Variants in TMTC2 observed in about 807,000 individuals in gnomAD.
The protein encoded by TMTC2 is protein O-mannosyl-transferase TMTC2.
In TMTC2, 43 loss-of-function variants were observed where a neutral mutation model predicts 82.4. The ratio of observed to expected loss-of-function variants is 0.52; its 90% confidence interval spans 0.41 to 0.67. The LOEUF is 0.67. Among genes scored for constraint, TMTC2 ranks in the 30% least tolerant of loss-of-function variants. The pLI, the probability that TMTC2 is intolerant of heterozygous loss-of-function variation, is 0.00. For missense variants in TMTC2, 919 were observed against 1,012.4 expected, an observed-to-expected ratio of 0.91 and a Z score of 1.25; for synonymous variants, 408 against 381.9, an observed-to-expected ratio of 1.07 and a Z score of -0.80.
chr12:83,081,436 A>C (rs78753086), intron 11 of TMTC2, among the ~76,000 whole-genome samples: 1 of 152,198 alleles, frequency 6.6e-6, no homozygotes, highest in East Asian at 1.9e-4. Flanking sequence ...AGATACTTTC[A>C]ATAACAGATT....
At chr12:82,825,146 A>G (rs753634507) in intron 1 of TMTC2, among the ~76,000 whole-genome samples, 2 of 152,068 alleles carry the variant, frequency 1.3e-5, no homozygotes, top group Admixed American at 6.6e-5. Context: ...TGTATGTTTT[A>G]TTGTGATTCA....
At chr12:82,753,214 C>G (rs1430176316) in intron 1 of TMTC2, among the ~76,000 whole-genome samples, 1 of 152,026 alleles carries the variant, frequency 6.6e-6, no homozygotes, top group African/African-American at 2.4e-5. Flanking sequence ...CCAGGTCATT[C>G]TCCGTAGGTG....
chr12:82,812,069 C>T (rs1035445641), intron 1 of TMTC2, among the ~76,000 whole-genome samples: 5 of 151,966 alleles, frequency 3.3e-5, no homozygotes, highest in South Asian at 2.1e-4. Context: ...CCACCTGCCT[C>T]GGCCTCCCAA....
At chr12:82,771,053 A>G (rs1044365111) in intron 1 of TMTC2, among the ~76,000 whole-genome samples, 1 of 152,052 alleles carries the variant, frequency 6.6e-6, no homozygotes, top group Admixed American at 6.6e-5. Flanking sequence ...CTAAAAATAC[A>G]AAAATTAGCC....
intron 11 of TMTC2, among the ~76,000 whole-genome samples, chr12:83,102,702 G>C (rs993450571): frequency 1.4e-4 from 21 of 152,028 alleles, no homozygotes; most frequent in African/African-American, 4.8e-4. Flanking sequence ...TCTGTGTTTT[G>C]TTTATGTTGC....
chr12:82,950,619 G>T (rs1182231841), intron 4 of TMTC2, among the ~76,000 whole-genome samples: 1 of 152,174 alleles, frequency 6.6e-6, no homozygotes, highest in Non-Finnish European at 1.5e-5. Context: ...CTGTCACAAA[G>T]GTAGTAATGG....
At chr12:82,834,884 A>T (rs548300704) in intron 1 of TMTC2, among the ~76,000 whole-genome samples, 7,874 of 147,138 alleles carry the variant, frequency 0.054, 486 homozygotes, top group African/African-American at 0.16. Flanking sequence ...TCATTTTATT[A>T]TTTTTTTTTT....
chr12:82,908,182 T>C (rs1047410163), intron 3 of TMTC2, among the ~76,000 whole-genome samples: 2 of 152,180 alleles, frequency 1.3e-5, no homozygotes, highest in Admixed American at 1.3e-4. Context: ...TCATTCATAG[T>C]CATATAAGTA....
chr12:82,916,551 T>C (rs1875010530), intron 3 of TMTC2, among the ~76,000 whole-genome samples: 1 of 152,148 alleles, frequency 6.6e-6, no homozygotes, highest in Non-Finnish European at 1.5e-5. Context: ...GATGTGAGGA[T>C]GGCTCATAGT....
intron 11 of TMTC2, among the ~76,000 whole-genome samples, chr12:83,066,462 C>T (rs1022445017): frequency 1.3e-5 from 2 of 151,750 alleles, no homozygotes; most frequent in African/African-American, 4.8e-5. Flanking sequence ...TAGTGGATAC[C>T]ATACTAAAAA....
chr12:82,854,752 C>T (rs1000053270), intron 1 of TMTC2, among the ~76,000 whole-genome samples: 10 of 152,098 alleles, frequency 6.6e-5, no homozygotes, highest in African/African-American at 4.8e-5. Context: ...TTTTATTGAA[C>T]ATTTAGAAAA....
chr12:82,915,017 G>T (rs1874924372), intron 3 of TMTC2, among the ~76,000 whole-genome samples: 1 of 151,760 alleles, frequency 6.6e-6, no homozygotes, highest in Admixed American at 6.6e-5. Flanking sequence ...TATAGATGGT[G>T]TTTCTCCATG....
intron 8 of TMTC2, among the ~76,000 whole-genome samples, chr12:82,995,990 G>A (rs1347995252): frequency 6.6e-6 from 1 of 152,110 alleles, no homozygotes; most frequent in Non-Finnish European, 1.5e-5. Context: ...TACATATGTG[G>A]TATCTCATGT....
intron 4 of TMTC2, 44 bp from the exon 5 acceptor site, chr12:82,964,980 T>TAA (rs757300846): frequency 2.8e-6 from 4 of 1,447,060 alleles, no homozygotes; most frequent in Non-Finnish European, 1.9e-6. Flanking sequence ...GTTTTATATA[T>TAA]AATAATACAG....
intron 4 of TMTC2, among the ~76,000 whole-genome samples, chr12:82,947,815 T>A (rs984068116): frequency 9.2e-5 from 14 of 152,146 alleles, no homozygotes; most frequent in Middle Eastern, 3.2e-3. Context: ...TAGAAGCAAG[T>A]GCTGCTGAGT....
intron 7 of TMTC2, among the ~76,000 whole-genome samples, chr12:82,968,042 G>A (rs1878294620): frequency 6.6e-6 from 1 of 151,994 alleles, no homozygotes; most frequent in African/African-American, 2.4e-5. Context: ...TTTTTACAAA[G>A]GACAGAACAT....
chr12:82,939,866 T>A (rs1171677877), intron 4 of TMTC2, among the ~76,000 whole-genome samples: 1 of 152,164 alleles, frequency 6.6e-6, no homozygotes, highest in Non-Finnish European at 1.5e-5. Flanking sequence ...CAATGTGAAC[T>A]TGACCCATAG....
chr12:82,827,611 A>C (rs1047988357), intron 1 of TMTC2, among the ~76,000 whole-genome samples: 1 of 152,026 alleles, frequency 6.6e-6, no homozygotes, highest in African/African-American at 2.4e-5. Flanking sequence ...ATCAGCTAGT[A>C]ATGATGTCTG....
intron 9 of TMTC2, among the ~76,000 whole-genome samples, chr12:83,037,015 G>A (rs1881690788): frequency 1.3e-5 from 2 of 152,126 alleles, no homozygotes; most frequent in South Asian, 4.1e-4. Flanking sequence ...AAGCCATTCA[G>A]GAGGGGTCCA....
Sources: gnomAD v4.1 joint callset for allele counts (sites outside exome capture counted in the v4.1 genomes callset) on GRCh38, gnomAD v4.1.1 for gene constraint, MANE v1.5 for transcripts, NCBI Gene and HGNC (gene_info 2026-07-23, HGNC 2026-07-21) for gene names.